The following PLCB1 variants were observed in gnomAD, a reference collection of about 807,000 sequenced individuals.
PLCB1 encodes 1-phosphatidylinositol 4,5-bisphosphate phosphodiesterase beta-1.
PLCB1 carries 46 observed loss-of-function variants against 161.8 expected under a neutral mutation model. The observed-to-expected ratio is 0.28, with a 90% CI of 0.22 to 0.36. The LOEUF (loss-of-function observed/expected upper bound fraction) is 0.36, where lower values mean the gene tolerates loss of function less well. Among genes scored for constraint, PLCB1 ranks in the 10% least tolerant of loss-of-function variants. PLCB1 has a pLI of 1.00. For missense variants in PLCB1, 1,016 were observed against 1,472.5 expected (o/e 0.69, Z 5.07); for synonymous variants, 517 against 503.7 (o/e 1.03, Z -0.35).
intron 23 of PLCB1, chr20:8,750,853 A>G: frequency 7.3e-7 from 1 of 1,365,978 alleles, no homozygotes; most frequent in Non-Finnish European, 9.8e-7. Context: ...AATACGCTGG[A>G]AAAACTGATG....
At chr20:8,147,796 G>A (rs1361890065) in intron 1 of PLCB1, among the ~76,000 whole-genome samples, 1 of 150,700 alleles carries the variant, frequency 6.6e-6, no homozygotes, top group Admixed American at 6.6e-5. Flanking sequence ...GGAGGGGAAG[G>A]AATAAGCTAG....
intron 3 of PLCB1, among the ~76,000 whole-genome samples, chr20:8,541,715 T>C (rs1985340873): frequency 6.6e-6 from 1 of 152,216 alleles, no homozygotes; most frequent in African/African-American, 2.4e-5. Flanking sequence ...TTATTGAGCA[T>C]TACCTGGATA....
intron 25 of PLCB1, among the ~76,000 whole-genome samples, chr20:8,762,626 C>G (rs558219084): frequency 6.6e-6 from 1 of 152,186 alleles, no homozygotes; most frequent in African/African-American, 2.4e-5. Context: ...ATTATAAATT[C>G]TTAATGTAAT....
intron 3 of PLCB1, among the ~76,000 whole-genome samples, chr20:8,534,102 T>G (rs1481954032): frequency 6.6e-6 from 1 of 152,194 alleles, no homozygotes; most frequent in African/African-American, 2.4e-5. Context: ...ATATTCCTTC[T>G]GTGACAGACT....
At chr20:8,369,409 C>A (rs1022319397) in intron 2 of PLCB1, among the ~76,000 whole-genome samples, 1 of 152,186 alleles carries the variant, frequency 6.6e-6, no homozygotes, top group Admixed American at 6.5e-5. Context: ...CCTCTTCCAG[C>A]AAATATTTTG....
At chr20:8,448,922 G>T (rs1980954101) in intron 3 of PLCB1, among the ~76,000 whole-genome samples, 1 of 152,166 alleles carries the variant, frequency 6.6e-6, no homozygotes, top group Non-Finnish European at 1.5e-5. Flanking sequence ...GATGAACTTG[G>T]AGGTCTCTTC....
chr20:8,725,546 C>T (rs1408208558), intron 16 of PLCB1, among the ~76,000 whole-genome samples: 2 of 152,118 alleles, frequency 1.3e-5, no homozygotes, highest in African/African-American at 2.4e-5. Flanking sequence ...TTTGTATAAT[C>T]TTACAAAAAG....
At chr20:8,456,942 C>A (rs900898493) in intron 3 of PLCB1, among the ~76,000 whole-genome samples, 1 of 152,206 alleles carries the variant, frequency 6.6e-6, no homozygotes, top group African/African-American at 2.4e-5. Context: ...TGAACATCAT[C>A]ACCTTGGGGG....
At chr20:8,479,177 A>G (rs896355545) in intron 3 of PLCB1, among the ~76,000 whole-genome samples, 1 of 152,058 alleles carries the variant, frequency 6.6e-6, no homozygotes, top group Non-Finnish European at 1.5e-5. Flanking sequence ...TATTTGTTTT[A>G]TGTCACCTGC....
chr20:8,473,615 C>T (rs1048602504), intron 3 of PLCB1, among the ~76,000 whole-genome samples: 1 of 152,154 alleles, frequency 6.6e-6, no homozygotes, highest in African/African-American at 2.4e-5. Context: ...GACCGAGGTG[C>T]CTGCCACAGC....
chr20:8,643,965 T>C (rs1012421377), intron 4 of PLCB1, among the ~76,000 whole-genome samples: 1 of 152,178 alleles, frequency 6.6e-6, no homozygotes, highest in Non-Finnish European at 1.5e-5. Context: ...TGACTGGTTT[T>C]CGTATTTTTT....
chr20:8,382,505 G>C (rs897282093), intron 3 of PLCB1, among the ~76,000 whole-genome samples: 1 of 148,594 alleles, frequency 6.7e-6, no homozygotes, highest in Non-Finnish European at 1.5e-5. Flanking sequence ...GGATGGTCTC[G>C]ATCTCCTGAC....
At chr20:8,719,834 T>C (rs924258292) in intron 14 of PLCB1, among the ~76,000 whole-genome samples, 7 of 152,172 alleles carry the variant, frequency 4.6e-5, no homozygotes, top group African/African-American at 1.7e-4. Flanking sequence ...ATAATTAAAA[T>C]ATAAACTCTA....
intron 3 of PLCB1, among the ~76,000 whole-genome samples, chr20:8,521,368 G>A (rs189513640): frequency 6.6e-6 from 1 of 151,864 alleles, no homozygotes; most frequent in Admixed American, 6.6e-5. Context: ...GGCCTACTAC[G>A]TGCTGATGGC....
intron 3 of PLCB1, among the ~76,000 whole-genome samples, chr20:8,572,311 G>A (rs1323312492): frequency 6.6e-6 from 1 of 152,140 alleles, no homozygotes; most frequent in Non-Finnish European, 1.5e-5. Flanking sequence ...GAGAAAGGAA[G>A]GACTGGAAAG....
intron 3 of PLCB1, among the ~76,000 whole-genome samples, chr20:8,423,945 T>C (rs1194127018): frequency 6.6e-6 from 1 of 152,158 alleles, no homozygotes; most frequent in Non-Finnish European, 1.5e-5. Context: ...AATTTGAAAG[T>C]GTAAATACAT....
chr20:8,401,704 C>G (rs951517152), intron 3 of PLCB1, among the ~76,000 whole-genome samples: 1 of 152,166 alleles, frequency 6.6e-6, no homozygotes, highest in African/African-American at 2.4e-5. Context: ...CAGCAAGAGG[C>G]CTTGCATTTG....
At chr20:8,709,047 A>G (rs1172142064) in intron 12 of PLCB1, among the ~76,000 whole-genome samples, 1 of 152,168 alleles carries the variant, frequency 6.6e-6, no homozygotes, top group Admixed American at 6.5e-5. Context: ...TGTCTCTGTT[A>G]TAGATTTGGG....
chr20:8,831,912 C>CTCTTTCTTTCTTTCTT (rs1188505689), intron 31 of PLCB1, among the ~76,000 whole-genome samples: 10 of 58,672 alleles, frequency 1.7e-4, no homozygotes, highest in South Asian at 1.0e-3. Flanking sequence ...CTCTTTCTTT[C>CTCTTTCTTTCTTTCTT]TCTTTCTTTC....
Sources: allele counts gnomAD v4.1 joint callset (sites outside exome capture counted in the v4.1 genomes callset), GRCh38; gene constraint gnomAD v4.1.1; transcripts MANE v1.5; gene names NCBI Gene and HGNC (gene_info 2026-07-23, HGNC 2026-07-21).